Variants in BLNK observed in about 807,000 individuals in gnomAD.
BLNK encodes B cell linker.
A neutral mutation model predicts 73.5 loss-of-function variants in BLNK; 29 were observed. The observed-to-expected ratio is 0.39, with a 90% CI of 0.29 to 0.54. The LOEUF is 0.54. Among genes scored for constraint, BLNK ranks in the 20% least tolerant of loss-of-function variants. BLNK has a pLI of 0.61. For synonymous variants in BLNK, 176 were observed against 200.8 expected, an observed-to-expected ratio of 0.88 and a Z score of 1.04; for missense variants, 460 against 562.8, an observed-to-expected ratio of 0.82 and a Z score of 1.85.
intron 4 of BLNK, among the ~76,000 whole-genome samples, 198 bp from the exon 5 acceptor site, chr10:96,227,764 C>T (rs1842332112): frequency 1.3e-5 from 2 of 152,190 alleles, no homozygotes; most frequent in African/African-American, 4.8e-5. Flanking sequence ...TTTATCGTCT[C>T]CACCACTGCA....
intron 1 of BLNK, among the ~76,000 whole-genome samples, chr10:96,251,622 C>T (rs1348810412): frequency 6.6e-6 from 1 of 152,072 alleles, no homozygotes; most frequent in Non-Finnish European, 1.5e-5. Context: ...AAGAACAAAG[C>T]TTATCTAATA....
At chr10:96,208,880 AAGAG>A (rs375021769) in intron 9 of BLNK, among the ~76,000 whole-genome samples, 1 of 152,218 alleles carries the variant, frequency 6.6e-6, no homozygotes, top group African/African-American at 2.4e-5. Flanking sequence ...CAGCTGAACT[AAGAG>A]AGACGTATGC....
In BLNK at chr10:96,197,065, T is replaced by G; in HGVS notation, c.1096-2A>C. 6.2e-7 allele frequency: 1 copy of G among 1,609,088 alleles called. No individual in the cohort carries two copies. Among genetic ancestry groups the G allele is most frequent in the Non-Finnish European group, 8.5e-7 (1 of 1,177,996 alleles). Reference sequence around the variant, plus strand: ...TTTCCGAATAAGAAATGATCCATCCTGTTTAATTTTTTTTAAAAAACATAA... The same window carrying G: ...TTTCCGAATAAGAAATGATCCATCCGGTTTAATTTTTTTTAAAAAACATAA... On this transcript the variant is annotated splice_acceptor_variant, in intron 15 of 16. Transcript: ENST00000224337. LOFTEE classifies it high-confidence loss of function.
Position 96,189,772 on chromosome 10 carries a change from C to T in BLNK, c.*2201G>A. On this transcript the variant is annotated 3_prime_UTR_variant, in exon 17 of 17. Coordinates refer to ENST00000224337, the MANE Select transcript of BLNK (RefSeq NM_013314.4). Reference sequence around the variant, plus strand: ...AAGTTTTACTTTTATTCTCTGGAATCTTGCTACCACCTCCAGGGACAGATC... The same window carrying T: ...AAGTTTTACTTTTATTCTCTGGAATTTTGCTACCACCTCCAGGGACAGATC... 1.2e-6 allele frequency: 1 copy of T among 817,760 alleles called. No homozygotes were observed. The highest frequency in any genetic ancestry group is 2.4e-5 in the East Asian group (1 of 41,120). The allele number at this position is 817,760 out of a possible 1,614,324, so 50.7% of individuals were successfully genotyped here.
In BLNK at chr10:96,201,038, G is replaced by T. The variant is rs1554896013; in HGVS notation, c.955C>A (p.Pro319Thr). The T allele has an allele frequency of 6.2e-7, 1 of 1,614,028 alleles. No homozygotes were observed. Among genetic ancestry groups the T allele is most frequent in the South Asian group, 1.1e-5 (1 of 91,076 alleles). ...PLPRFTEGGN[P>T]TVDGPLPSFS... Reference sequence around the variant, plus strand: ...CTGGGTAGGGGCCCATCCACAGTTGGGTTTCCCCCTTCTGTAAATCCTGAA... The same window carrying T: ...CTGGGTAGGGGCCCATCCACAGTTGTGTTTCCCCCTTCTGTAAATCCTGAA... The change falls in exon 14 of 17, where the codon CCA becomes ACA. Residue 319 changes from proline to threonine, a missense_variant. Coordinates refer to ENST00000224337, the MANE Select transcript of BLNK (RefSeq NM_013314.4).
chr10:96,257,236 C>T lies in BLNK; in HGVS notation c.48-10187G>A, dbSNP rs558442775. Among the ~76,000 whole-genome samples, 3 of 152,222 alleles carry T rather than the reference C, an allele frequency of 2.0e-5. No homozygotes were observed. The East Asian group carries it at 5.8e-4, about 29-fold the overall frequency. ...ACAGATAGTCAAGGGACCTGTTAGG[C>T]CAAGGAGATGGGGGGTTACAGGCTT... On this transcript the variant is annotated intron_variant, in intron 1 of 16. Coordinates refer to ENST00000224337, the MANE Select transcript of BLNK (RefSeq NM_013314.4).
chr10:96,212,759 TG>T (rs1253157981), intron 8 of BLNK, among the ~76,000 whole-genome samples: 1 of 152,210 alleles, frequency 6.6e-6, no homozygotes, highest in Non-Finnish European at 1.5e-5. Flanking sequence ...TGATGCCCAC[TG>T]GGGGACTATC....
chr10:96,239,326 C>T (rs1214747793), intron 3 of BLNK, among the ~76,000 whole-genome samples: 2 of 152,126 alleles, frequency 1.3e-5, no homozygotes, highest in Non-Finnish European at 2.9e-5. Flanking sequence ...TAGAGGGGAC[C>T]TGACAGATCT....
chr10:96,204,337 C>T lies in BLNK; in HGVS notation c.902+195G>A, dbSNP rs2083738769. 10 of 715,648 alleles carry T rather than the reference C, an allele frequency of 1.4e-5. No homozygotes were observed. In the Admixed American group the frequency reaches 1.8e-4, roughly 13 times the overall value. The allele number at this position is 715,648 out of a possible 1,614,324, so 44.3% of individuals were successfully genotyped here. Reference sequence around the variant, plus strand: ...TTTTAGTCAAGTTCAATAATTAACCCAATTAGTAGGTCTCTGCAACTCTAC... The same window carrying T: ...TTTTAGTCAAGTTCAATAATTAACCTAATTAGTAGGTCTCTGCAACTCTAC... On this transcript the variant is annotated intron_variant, in intron 12 of 16. Transcript: ENST00000224337.
chr10:96,243,436 A>C (rs1842939038), intron 2 of BLNK, among the ~76,000 whole-genome samples: 1 of 152,184 alleles, frequency 6.6e-6, no homozygotes, highest in Admixed American at 6.5e-5. Flanking sequence ...GGTCCCAGCT[A>C]CTTGAGGGGC....
intron 6 of BLNK, among the ~76,000 whole-genome samples, chr10:96,223,175 A>C (rs1333426723): frequency 1.3e-5 from 2 of 152,174 alleles, no homozygotes; most frequent in African/African-American, 2.4e-5. Flanking sequence ...GATCGTGCGT[A>C]CAACTCCGGT....
At chr10:96,255,846 A>T (rs578173427) in intron 1 of BLNK, among the ~76,000 whole-genome samples, 2 of 152,142 alleles carry the variant, frequency 1.3e-5, no homozygotes, top group East Asian at 3.9e-4. Flanking sequence ...TGTTTCTAAA[A>T]CCTGGATTTC....
chr10:96,209,371 G>GATTT (rs3031836), intron 9 of BLNK, among the ~76,000 whole-genome samples: 33,909 of 150,862 alleles, frequency 0.22, 4,825 homozygotes, highest in Middle Eastern at 0.35. Flanking sequence ...AATACTTCTA[G>GATTT]ATTTATTTAT....
chr10:96,259,566 GTT>G (rs1554912128), intron 1 of BLNK, among the ~76,000 whole-genome samples: 1 of 148,870 alleles, frequency 6.7e-6, no homozygotes, highest in Non-Finnish European at 1.5e-5. Context: ...GAGGGGCTGT[GTT>G]CCCTTACACA....
intron 8 of BLNK, among the ~76,000 whole-genome samples, chr10:96,213,154 C>A (rs979654574): frequency 6.6e-6 from 1 of 152,184 alleles, no homozygotes; most frequent in African/African-American, 2.4e-5. Flanking sequence ...ACCCTCTCAA[C>A]CAACTGACCC....
Position 96,189,613 on chromosome 10 carries a change from T to C in BLNK, c.*2360A>G, listed in dbSNP as rs2133902022. ...GTTGATGATGGGTTTGAGTGTTTTC[T>C]ATTCTGATTTGACTTTTGTGCATTT... On this transcript the variant is annotated 3_prime_UTR_variant, in exon 17 of 17. Coordinates refer to ENST00000224337, the MANE Select transcript of BLNK (RefSeq NM_013314.4). The C allele has an allele frequency of 4.3e-6, 3 of 700,870 alleles. No individual in the cohort carries two copies. The highest frequency in any genetic ancestry group is 1.4e-5 in the South Asian group (1 of 73,606). The allele number at this position is 700,870 out of a possible 1,614,324, so 43.4% of individuals were successfully genotyped here.
At chr10:96,241,730 CTTTCT>C (rs1554906273) in intron 3 of BLNK, among the ~76,000 whole-genome samples, 2 of 119,312 alleles carry the variant, frequency 1.7e-5, no homozygotes, top group Admixed American at 1.0e-4. Flanking sequence ...CTTTTCTTTT[CTTTCT>C]TTTTTTTTTT....
chr10:96,192,327 TAGAG>T (rs1390746210), intron 16 of BLNK, among the ~76,000 whole-genome samples: 1 of 132,336 alleles, frequency 7.6e-6, no homozygotes, highest in East Asian at 1.9e-4. Flanking sequence ...CATAGCTACT[TAGAG>T]AGATTACTTC....
rs1003954315 is a variant in BLNK, at chr10:96,209,785, C to T, written c.746+53G>A. 8 of 1,598,470 alleles carry T rather than the reference C, an allele frequency of 5.0e-6. No individual in the cohort carries two copies. In the Admixed American group the frequency reaches 1.3e-4, roughly 27 times the overall value. On this transcript the variant is annotated intron_variant, in intron 9 of 16. Coordinates refer to ENST00000224337, the MANE Select transcript of BLNK (RefSeq NM_013314.4). ...TGAAGTCAACAGGGCAGTGGGGTAT[C>T]ACCATCCTCACTCCCCAGATCTCAA...
Sources: gnomAD v4.1 joint callset for allele counts (sites outside exome capture counted in the v4.1 genomes callset) on GRCh38, gnomAD v4.1.1 for gene constraint, MANE v1.5 for transcripts, NCBI Gene and HGNC (gene_info 2026-07-23, HGNC 2026-07-21) for gene names.